Variants in DOCK4 observed in about 807,000 individuals in gnomAD.
DOCK4 encodes dedicator of cytokinesis protein 4.
DOCK4 carries 97 observed loss-of-function variants against 268.1 expected under a neutral mutation model. The ratio of observed to expected loss-of-function variants is 0.36; its 90% CI spans 0.31 to 0.43. DOCK4 has a LOEUF of 0.43. Among genes scored for constraint, DOCK4 ranks in the 20% least tolerant of loss-of-function variants. The pLI is 1.00. For synonymous variants in DOCK4, 954 were observed against 887.2 expected (o/e 1.08, Z -1.34); for missense variants, 2,145 against 2,455.7 (o/e 0.87, Z 2.67).
At chr7:112,107,971 T>C (rs538063103) in intron 1 of DOCK4, among the ~76,000 whole-genome samples, 3 of 152,290 alleles carry the variant, frequency 2.0e-5, no homozygotes, top group East Asian at 3.9e-4. Flanking sequence ...AGAGAAATCA[T>C]CAACTACCCA....
chr7:112,156,765 CA>C, intron 1 of DOCK4, among the ~76,000 whole-genome samples: 1 of 152,090 alleles, frequency 6.6e-6, no homozygotes, highest in Non-Finnish European at 1.5e-5. Context: ...CACACACACA[CA>C]AATTATTCAC....
intron 1 of DOCK4, among the ~76,000 whole-genome samples, chr7:112,041,560 G>A (rs777263828): frequency 7.2e-5 from 11 of 152,096 alleles, no homozygotes; most frequent in African/African-American, 2.2e-4. Flanking sequence ...CAATAAACCT[G>A]GGCATAAAAT....
intron 1 of DOCK4, among the ~76,000 whole-genome samples, chr7:112,196,508 T>C (rs73440661): frequency 0.027 from 4,097 of 152,294 alleles, 173 homozygotes; most frequent in African/African-American, 0.094. Context: ...CTTCCTGTCC[T>C]GCTCGTTTCT....
chr7:111,858,777 T>C (rs1805228111), intron 23 of DOCK4, among the ~76,000 whole-genome samples: 1 of 151,932 alleles, frequency 6.6e-6, no homozygotes, highest in South Asian at 2.1e-4. Context: ...CCGTCTTTCC[T>C]CCTTCCTTCC....
intron 36 of DOCK4, among the ~76,000 whole-genome samples, chr7:111,770,565 C>T (rs192421979): frequency 1.3e-5 from 2 of 152,276 alleles, no homozygotes; most frequent in Admixed American, 1.3e-4. Flanking sequence ...TGCCATTCTG[C>T]AGGTCTCTCC....
At chr7:112,125,947 T>C (rs1444636331) in intron 1 of DOCK4, among the ~76,000 whole-genome samples, 2 of 152,110 alleles carry the variant, frequency 1.3e-5, no homozygotes, top group African/African-American at 4.8e-5. Context: ...TGGCTGGGAC[T>C]ATAGGCATGC....
At chr7:111,829,779 G>A (rs1329622367) in intron 26 of DOCK4, among the ~76,000 whole-genome samples, 3 of 152,136 alleles carry the variant, frequency 2.0e-5, no homozygotes, top group African/African-American at 7.2e-5. Context: ...CTGTTTAGAG[G>A]TCTTCACTTC....
intron 25 of DOCK4, 71 bp from the exon 26 acceptor site, chr7:111,834,757 C>T (rs1404250669): frequency 1.0e-6 from 1 of 997,348 alleles, no homozygotes; most frequent in African/African-American, 1.7e-5. Context: ...GTAACTTACA[C>T]TGAACTGTCC....
At chr7:112,197,970 GAAAAA>G (rs10525534) in intron 1 of DOCK4, among the ~76,000 whole-genome samples, 1 of 111,092 alleles carries the variant, frequency 9.0e-6, no homozygotes, top group Non-Finnish European at 1.8e-5. Flanking sequence ...GACCTGCCTA[GAAAAA>G]AAAAAAAAAA....
rs143588284 is a variant in DOCK4, at chr7:112,002,804, C to T, written c.121+1244G>A. Among the ~76,000 whole-genome samples, 547 of 152,198 alleles carry T rather than the reference C, an allele frequency of 3.6e-3. 5 individuals are homozygous for T. Among genetic ancestry groups the T allele is most frequent in the African/African-American group, 0.012 (511 of 41,530 alleles). ...GTGGCTCACACCTCTAATCGCAGCA[C>T]TTTGGGAGGCCAAGGTGGGTGGATC... On this transcript the variant is annotated intron_variant, in intron 2 of 52. Transcript: ENST00000428084.
At chr7:112,184,497 T>C (rs553323176) in intron 1 of DOCK4, among the ~76,000 whole-genome samples, 1 of 152,320 alleles carries the variant, frequency 6.6e-6, no homozygotes, top group East Asian at 1.9e-4. Context: ...TAATAGTGCA[T>C]ATTCTGCAAC....
chr7:112,175,373 T>C (rs1818419692), intron 1 of DOCK4, among the ~76,000 whole-genome samples: 2 of 152,224 alleles, frequency 1.3e-5, no homozygotes, highest in African/African-American at 4.8e-5. Context: ...AGCTCTTGTG[T>C]AATAGAAATT....
At chr7:111,885,612 A>G (rs1233714841) in intron 16 of DOCK4, among the ~76,000 whole-genome samples, 1 of 152,202 alleles carries the variant, frequency 6.6e-6, no homozygotes, top group Non-Finnish European at 1.5e-5. Flanking sequence ...CGGCTTCTTG[A>G]AGCTGCTACT....
rs1244590852 is a variant in DOCK4, at chr7:111,872,503, A to G, written c.1806T>C (p.Ser602=). 1.9e-6 allele frequency: 3 copies of G among 1,603,720 alleles called. No homozygotes were observed. Among genetic ancestry groups the G allele is most frequent in the South Asian group, 2.3e-5 (2 of 88,842 alleles). Residue 602 remains serine, a synonymous_variant, in exon 18 of 53, where the codon TCT becomes TCC. Coordinates refer to ENST00000428084, the MANE Select transcript of DOCK4 (RefSeq NM_001363540.2). ...CTGAGCCATCAATTTCTTTTAATTT[A>G]GAGAGACAGCCAGTGATCTTGTCTG... ...THPDKITGCL[S]KLKEIDGSEI...
At chr7:111,933,299 T>TATATATATA (rs1491402521) in intron 12 of DOCK4, among the ~76,000 whole-genome samples, 8 of 71,142 alleles carry the variant, frequency 1.1e-4, no homozygotes, top group African/African-American at 5.3e-4. Context: ...TATATATATA[T>TATATATATA]TTTTTTTTTT....
intron 15 of DOCK4, among the ~76,000 whole-genome samples, chr7:111,900,110 A>G (rs1791016194): frequency 6.6e-6 from 1 of 152,208 alleles, no homozygotes; most frequent in Non-Finnish European, 1.5e-5. Context: ...CATGCCATGA[A>G]AAGTCCTAGT....
At position 111,899,786 on chromosome 7, in the gene DOCK4, G is replaced by T. The variant is rs1427571621; in HGVS notation, c.1480+588C>A. 3.9e-5 allele frequency among the ~76,000 whole-genome samples: 6 copies of T among 152,318 alleles called. 1 individual carries two copies. The highest frequency in any genetic ancestry group is 6.8e-3 in the Middle Eastern group (2 of 294). On this transcript the variant is annotated intron_variant, in intron 15 of 52. Coordinates refer to ENST00000428084, the MANE Select transcript of DOCK4 (RefSeq NM_001363540.2). ...AAAAATACAAAAATTAGCCAGGCGTGGTGGCCGGGCGCCTGTAGTCCCAGC... is the reference window on the plus strand; with the variant it reads ...AAAAATACAAAAATTAGCCAGGCGTTGTGGCCGGGCGCCTGTAGTCCCAGC...
intron 1 of DOCK4, among the ~76,000 whole-genome samples, chr7:112,109,195 C>T (rs867056637): frequency 6.6e-6 from 1 of 152,192 alleles, no homozygotes; most frequent in Non-Finnish European, 1.5e-5. Context: ...GCAGAAGCAG[C>T]ATGCTGGGTG....
chr7:112,202,773 A>T (rs1160885864), intron 1 of DOCK4, among the ~76,000 whole-genome samples: 1 of 152,072 alleles, frequency 6.6e-6, no homozygotes, highest in African/African-American at 2.4e-5. Context: ...TTAAAAAAAA[A>T]AAAATGAAAA....
Sources: gnomAD v4.1 joint callset for allele counts (sites outside exome capture counted in the v4.1 genomes callset) on GRCh38, gnomAD v4.1.1 for gene constraint, MANE v1.5 for transcripts, NCBI Gene and HGNC (gene_info 2026-07-23, HGNC 2026-07-21) for gene names.